Variants in ZNF521 observed in about 807,000 individuals in gnomAD.
The protein encoded by ZNF521 is zinc finger protein 521.
A neutral mutation model predicts 105.5 loss-of-function variants in ZNF521; 14 were observed. The ratio of observed to expected loss-of-function variants is 0.13; its 90% CI spans 0.09 to 0.21. The LOEUF (loss-of-function observed/expected upper bound fraction) is 0.21, where lower values mean the gene tolerates loss of function less well. Among genes scored for constraint, ZNF521 ranks in the 10% least tolerant of loss-of-function variants. ZNF521 has a pLI of 1.00. For missense variants in ZNF521, 1,233 were observed against 1,629.7 expected (o/e 0.76, Z 4.19); for synonymous variants, 635 against 606.0 (o/e 1.05, Z -0.70).
intron 5 of ZNF521, among the ~76,000 whole-genome samples, chr18:25,177,845 T>C (rs1327096297): frequency 1.3e-5 from 2 of 152,250 alleles, no homozygotes; most frequent in African/African-American, 2.4e-5. Context: ...CAGATGGCAC[T>C]TTCTTTTTAC....
intron 5 of ZNF521, among the ~76,000 whole-genome samples, chr18:25,189,359 T>C (rs1415757550): frequency 6.6e-6 from 1 of 152,244 alleles, no homozygotes; most frequent in Non-Finnish European, 1.5e-5. Flanking sequence ...ACCCTCTTCA[T>C]ATTTACAGTC....
At chr18:25,312,853 C>A (rs1227631497) in intron 3 of ZNF521, among the ~76,000 whole-genome samples, 2 of 151,320 alleles carry the variant, frequency 1.3e-5, no homozygotes, top group East Asian at 3.9e-4. Context: ...AAGTTGGAAC[C>A]AACTATAGAT....
chr18:25,296,734 G>T (rs1168869422), intron 3 of ZNF521, among the ~76,000 whole-genome samples: 2 of 152,094 alleles, frequency 1.3e-5, no homozygotes, highest in African/African-American at 4.8e-5. Flanking sequence ...CCTGGAAAAT[G>T]GTGAGCTCCA....
chr18:25,082,836 C>G (rs1043044033), intron 7 of ZNF521: 1 of 72,084 alleles, frequency 1.4e-5, no homozygotes, highest in Non-Finnish European at 2.6e-5. Flanking sequence ...AGCAAGACTC[C>G]GTCTCAAAAA....
chr18:25,176,640 C>G (rs916982242), intron 5 of ZNF521, among the ~76,000 whole-genome samples: 2 of 152,176 alleles, frequency 1.3e-5, no homozygotes, highest in Non-Finnish European at 2.9e-5. Context: ...GGGCCTCATT[C>G]CACTGCTTTA....
chr18:25,072,592 A>C (rs1461481761), intron 7 of ZNF521, among the ~76,000 whole-genome samples: 1 of 152,226 alleles, frequency 6.6e-6, no homozygotes, highest in African/African-American at 2.4e-5. Context: ...ACTGGGAAAT[A>C]TAGTAAAGAG....
chr18:25,146,050 A>C (rs1308490700), intron 5 of ZNF521, among the ~76,000 whole-genome samples: 2 of 152,122 alleles, frequency 1.3e-5, no homozygotes, highest in Non-Finnish European at 2.9e-5. Context: ...TTTTACTTCA[A>C]CCTTCAAACA....
chr18:25,153,989 G>GA lies in ZNF521; in HGVS notation c.3658+41170dup, dbSNP rs765273782. On this transcript the variant is annotated intron_variant, in intron 5 of 7. Transcript: ENST00000361524. ...GAATAGGGCAAAAGGAGAAGTCACA[G>GA]AAACAATGACAAGATTAAAGAAGCA... Among the ~76,000 whole-genome samples the GA allele has an allele frequency of 3.9e-5, 6 of 152,278 alleles. No individual in the cohort carries two copies. In the East Asian group the frequency reaches 1.2e-3, roughly 29 times the overall value.
chr18:25,139,549 C>G (rs114635832), intron 5 of ZNF521, among the ~76,000 whole-genome samples: 233 of 152,208 alleles, frequency 1.5e-3, no homozygotes, highest in African/African-American at 5.5e-3. Flanking sequence ...CTGCCATCTG[C>G]TGAGTGCCTC....
At chr18:25,287,947 C>A (rs1910796719) in intron 3 of ZNF521, among the ~76,000 whole-genome samples, 2 of 152,156 alleles carry the variant, frequency 1.3e-5, no homozygotes, top group Admixed American at 6.5e-5. Context: ...AGAAATGTCA[C>A]AATGCTGAAA....
At chr18:25,232,524 T>C (rs1906603402) in intron 3 of ZNF521, among the ~76,000 whole-genome samples, 1 of 152,368 alleles carries the variant, frequency 6.6e-6, no homozygotes, top group East Asian at 1.9e-4. Context: ...TACAGTGCCT[T>C]AAGCTTTCAC....
At chr18:25,299,457 G>GT (rs1911504863) in intron 3 of ZNF521, among the ~76,000 whole-genome samples, 1 of 152,144 alleles carries the variant, frequency 6.6e-6, no homozygotes. Flanking sequence ...CAAGATTATG[G>GT]TAACTATGCA....
At chr18:25,068,035 T>C (rs188186444) in intron 7 of ZNF521, among the ~76,000 whole-genome samples, 21 of 152,248 alleles carry the variant, frequency 1.4e-4, no homozygotes, top group Admixed American at 4.6e-4. Context: ...CACGCTATTT[T>C]AAAAAGGAAT....
chr18:25,075,210 A>G (rs2033332002), intron 7 of ZNF521, among the ~76,000 whole-genome samples: 1 of 152,314 alleles, frequency 6.6e-6, no homozygotes, highest in East Asian at 1.9e-4. Context: ...CACTTATTCT[A>G]ATTTAAAGCC....
chr18:25,275,930 C>T (rs1017694100), intron 3 of ZNF521, among the ~76,000 whole-genome samples: 15 of 152,166 alleles, frequency 9.9e-5, no homozygotes, highest in Non-Finnish European at 2.1e-4. Flanking sequence ...TGCTAAAAGA[C>T]GTCCAGGGAA....
At chr18:25,139,841 AG>A (rs1357565932) in intron 5 of ZNF521, among the ~76,000 whole-genome samples, 1 of 152,182 alleles carries the variant, frequency 6.6e-6, no homozygotes, top group Non-Finnish European at 1.5e-5. Context: ...AGGAGGTATT[AG>A]GCCTTCAGGT....
chr18:25,257,191 A>C (rs2144877071), intron 3 of ZNF521, among the ~76,000 whole-genome samples: 1 of 152,306 alleles, frequency 6.6e-6, no homozygotes, highest in Middle Eastern at 3.4e-3. Context: ...GTAACATCTA[A>C]GTTCCCTCAT....
intron 3 of ZNF521, among the ~76,000 whole-genome samples, chr18:25,317,898 T>C (rs535934931): frequency 5.3e-5 from 8 of 152,152 alleles, no homozygotes; most frequent in African/African-American, 1.9e-4. Context: ...TGAAAAAGGG[T>C]TTGGAAGTTT....
At chr18:25,097,919 A>G (rs1408862536) in intron 5 of ZNF521, among the ~76,000 whole-genome samples, 2 of 152,204 alleles carry the variant, frequency 1.3e-5, no homozygotes, top group Middle Eastern at 3.4e-3. Context: ...GCAGGGCTGG[A>G]GCAGGAAATG....
Sources: gnomAD v4.1 joint callset for allele counts (sites outside exome capture counted in the v4.1 genomes callset) on GRCh38, gnomAD v4.1.1 for gene constraint, MANE v1.5 for transcripts, NCBI Gene and HGNC (gene_info 2026-07-23, HGNC 2026-07-21) for gene names.